ADGRB3: variants seen among roughly 807,000 people sequenced by gnomAD.
The protein encoded by ADGRB3 is adhesion G protein-coupled receptor B3, also known as brain-specific angiogenesis inhibitor 3.
A neutral mutation model predicts 193.4 loss-of-function variants in ADGRB3; 37 were observed. The ratio of observed to expected loss-of-function variants is 0.19; its 90% CI spans 0.15 to 0.25. The LOEUF (loss-of-function observed/expected upper bound fraction) is 0.25, where lower values mean the gene tolerates loss of function less well. Ranked by LOEUF, ADGRB3 falls within the 10% of genes least tolerant of loss-of-function variation. ADGRB3 has a pLI of 1.00. For synonymous variants in ADGRB3, 690 were observed against 644.2 expected (o/e 1.07, Z -1.08); for missense variants, 1,637 against 1,852.9 (o/e 0.88, Z 2.14).
chr6:68,637,714 T>A (rs528872769), intron 2 of ADGRB3, among the ~76,000 whole-genome samples, 152 bp downstream of exon 2: 1 of 152,288 alleles, frequency 6.6e-6, no homozygotes, highest in East Asian at 1.9e-4. Flanking sequence ...ATGTATTTTA[T>A]TACCATGTGT....
intron 3 of ADGRB3, among the ~76,000 whole-genome samples, chr6:68,919,143 A>C (rs1562085870): frequency 2.0e-5 from 3 of 152,160 alleles, no homozygotes; most frequent in African/African-American, 7.2e-5. Context: ...AATTATGTAA[A>C]GTATATGTCT....
At chr6:69,307,101 C>A (rs1203932396) in intron 20 of ADGRB3, among the ~76,000 whole-genome samples, 1 of 150,950 alleles carries the variant, frequency 6.6e-6, no homozygotes. Context: ...AACTTTCTTG[C>A]TTTCTCAATT....
chr6:68,677,880 T>G (rs1307186337), intron 3 of ADGRB3, among the ~76,000 whole-genome samples: 1 of 152,202 alleles, frequency 6.6e-6, no homozygotes, highest in Non-Finnish European at 1.5e-5. Flanking sequence ...TTTAAAGGAC[T>G]TTCAAGTTAT....
In ADGRB3 at chr6:69,259,421, C is replaced by T. The variant is rs549340733; in HGVS notation, c.2814+20195C>T. Among the ~76,000 whole-genome samples the T allele has an allele frequency of 1.6e-3, 241 of 152,218 alleles. 1 individual carries two copies. Among genetic ancestry groups the T allele is most frequent in the Middle Eastern group, 6.8e-3 (2 of 294 alleles). ...CTTAAAACTTCTAAAATGGGCTGGG[C>T]GCGGTGGCTCACGCCTGTAATCTCA... is the stretch of plus-strand genomic sequence containing the variant. On this transcript the variant is annotated intron_variant, in intron 20 of 31. Transcript: ENST00000370598.
intron 17 of ADGRB3, among the ~76,000 whole-genome samples, chr6:69,226,762 C>T (rs535944769): frequency 2.0e-5 from 3 of 152,352 alleles, no homozygotes; most frequent in African/African-American, 7.2e-5. Context: ...GGAAGCTTAA[C>T]TTGGGGCTGG....
chr6:68,863,251 A>G (rs1765204838), intron 3 of ADGRB3, among the ~76,000 whole-genome samples: 1 of 152,076 alleles, frequency 6.6e-6, no homozygotes, highest in Non-Finnish European at 1.5e-5. Context: ...TATGTTATTC[A>G]AATTCCTGAG....
In ADGRB3 at chr6:69,228,114, G is replaced by A. The variant is rs187314282; in HGVS notation, c.2481-5176G>A. On this transcript the variant is annotated intron_variant, in intron 17 of 31. Transcript: ENST00000370598. ...CTACTAAAAATACAAAAAATGAGCC[G>A]GGTGCAGTGGCATGTGCCTGTAATC... Among the ~76,000 whole-genome samples, 237 of 152,174 alleles carry A rather than the reference G, an allele frequency of 1.6e-3. 2 individuals carry two copies. The highest frequency in any genetic ancestry group is 6.4e-3 in the Admixed American group (98 of 15,290).
intron 3 of ADGRB3, among the ~76,000 whole-genome samples, chr6:68,650,326 A>G (rs766168089): frequency 6.6e-6 from 1 of 152,016 alleles, no homozygotes; most frequent in Non-Finnish European, 1.5e-5. Flanking sequence ...TTTTTTCGGT[A>G]TTTATCTGTT....
At chr6:69,212,842 C>A (rs1180477710) in intron 17 of ADGRB3, among the ~76,000 whole-genome samples, 1 of 152,142 alleles carries the variant, frequency 6.6e-6, no homozygotes, top group Non-Finnish European at 1.5e-5. Flanking sequence ...CTTTCTCGAT[C>A]TGTGGGCCTG....
In ADGRB3 at chr6:69,075,981, T is replaced by C; in HGVS notation, c.2437-14T>C. The C allele has an allele frequency of 6.2e-7, 1 of 1,605,922 alleles. No homozygotes were observed. Among genetic ancestry groups the C allele is most frequent in the Non-Finnish European group, 8.5e-7 (1 of 1,173,166 alleles). On this transcript the variant is annotated splice_polypyrimidine_tract_variant and intron_variant, in intron 16 of 31. Coordinates refer to ENST00000370598, the MANE Select transcript of ADGRB3 (RefSeq NM_001704.3). ...ACTCAAGATATATGCATTCTTTCTC[T>C]GCTTTTTTTTTAGGGTACTTTGAAT... is the stretch of plus-strand genomic sequence containing the variant.
At chr6:68,864,601 C>T (rs752775113) in intron 3 of ADGRB3, among the ~76,000 whole-genome samples, 11 of 152,092 alleles carry the variant, frequency 7.2e-5, no homozygotes, top group African/African-American at 1.7e-4. Context: ...ACAAAATAAA[C>T]GACTCCTTTT....
At chr6:69,008,878 C>T (rs1258536736) in intron 11 of ADGRB3, among the ~76,000 whole-genome samples, 1 of 152,074 alleles carries the variant, frequency 6.6e-6, no homozygotes, top group Non-Finnish European at 1.5e-5. Context: ...CTCAAGATAA[C>T]TAGTTTTCTT....
intron 20 of ADGRB3, among the ~76,000 whole-genome samples, chr6:69,308,741 AT>A (rs36084033): frequency 1.3e-5 from 2 of 151,128 alleles, no homozygotes; most frequent in East Asian, 2.0e-4. Context: ...CTTCTAACTG[AT>A]TTTTTTTTCT....
chr6:69,080,496 A>C (rs1315323610), intron 17 of ADGRB3, among the ~76,000 whole-genome samples: 1 of 151,972 alleles, frequency 6.6e-6, no homozygotes, highest in East Asian at 1.9e-4. Flanking sequence ...AGAACAAGAA[A>C]GAGGTCTTGT....
In ADGRB3 at chr6:69,354,301, G is replaced by A. The variant is rs147253402; in HGVS notation, c.3528G>A (p.Ser1176=). ...CCATCAATGCAGATTCTTCGAGTTC[G>A]TTTCCTAATGGGCATGCTCAAATCA... ...QDPINADSSS[S]FPNGHAQIMT... is the part of the protein sequence containing the mutation. The change falls in exon 27 of 32, where the codon TCG becomes TCA. Residue 1176 remains serine, a synonymous_variant. Coordinates refer to ENST00000370598, the MANE Select transcript of ADGRB3 (RefSeq NM_001704.3). 24 of 1,613,562 alleles carry A rather than the reference G, an allele frequency of 1.5e-5. No homozygotes were observed. Among genetic ancestry groups the A allele is most frequent in the African/African-American group, 4.0e-5 (3 of 74,864 alleles).
intron 3 of ADGRB3, among the ~76,000 whole-genome samples, chr6:68,716,450 G>A (rs1419952667): frequency 6.6e-6 from 1 of 151,076 alleles, no homozygotes; most frequent in Non-Finnish European, 1.5e-5. Context: ...TGTTTTACTG[G>A]TTCTGTAATA....
At chr6:68,969,704 A>G (rs1336650) in intron 8 of ADGRB3, among the ~76,000 whole-genome samples, 101,096 of 151,932 alleles carry the variant, frequency 0.67, 33,818 homozygotes, top group Middle Eastern at 0.8. Context: ...GTCTTCCTAA[A>G]TTCTCACATA....
chr6:68,880,626 G>T (rs1322618533), intron 3 of ADGRB3, among the ~76,000 whole-genome samples: 1 of 152,090 alleles, frequency 6.6e-6, no homozygotes, highest in Non-Finnish European at 1.5e-5. Flanking sequence ...CTCCCCAAGG[G>T]GTTTGTACTT....
chr6:68,842,803 C>T (rs1768186646), intron 3 of ADGRB3, among the ~76,000 whole-genome samples: 1 of 151,900 alleles, frequency 6.6e-6, no homozygotes, highest in African/African-American at 2.4e-5. Flanking sequence ...CTCAACAATA[C>T]ATTAGAAAGA....
Sources: allele counts gnomAD v4.1 joint callset (sites outside exome capture counted in the v4.1 genomes callset), GRCh38; gene constraint gnomAD v4.1.1; transcripts MANE v1.5; gene names NCBI Gene and HGNC (gene_info 2026-07-23, HGNC 2026-07-21).